The following FYB1 variants were observed in gnomAD, a reference collection of about 807,000 sequenced individuals.
The protein encoded by FYB1 is FYN-binding protein 1.
A neutral mutation model predicts 94.1 loss-of-function variants in FYB1; 41 were observed. The observed-to-expected ratio is 0.44, with a 90% CI of 0.34 to 0.57. FYB1 has a LOEUF of 0.57. FYB1 is among the 20% of genes least tolerant of loss of function. The probability of loss-of-function intolerance (pLI) is 0.02; values close to 1 mark genes in which losing one functional copy is unlikely to be tolerated. For synonymous variants in FYB1, 367 were observed against 353.2 expected, an observed-to-expected ratio of 1.04 and a Z score of -0.44; for missense variants, 1,050 against 976.8, an observed-to-expected ratio of 1.07 and a Z score of -1.00.
upstream of FYB1, among the ~76,000 whole-genome samples, chr5:39,222,080 A>G (rs1750290813): frequency 6.6e-6 from 1 of 152,102 alleles, no homozygotes; most frequent in Non-Finnish European, 1.5e-5. Context: ...AGCAAGCAAC[A>G]CGCCCTGTCT....
At chr5:39,167,950 TTATGACA>T (rs1277602145) in intron 2 of FYB1, among the ~76,000 whole-genome samples, 1 of 92,284 alleles carries the variant, frequency 1.1e-5, no homozygotes, top group African/African-American at 2.6e-5. Flanking sequence ...CACAATAAAG[TTATGACA>T]ATTATATTAT....
intron 13 of FYB1, among the ~76,000 whole-genome samples, chr5:39,123,202 C>G (rs530713066): frequency 1.3e-5 from 2 of 152,272 alleles, no homozygotes; most frequent in South Asian, 4.1e-4. Context: ...TAAATACTCT[C>G]TGGTAGTGGC....
chr5:39,270,905 C>A (rs1394985190), intron 1 of FYB1: 1 of 267,660 alleles, frequency 3.7e-6, no homozygotes, highest in Non-Finnish European at 6.8e-6. Context: ...TTTTATATAA[C>A]TTCTATATTT....
At chr5:39,227,666 G>A (rs1217347696) in intron 1 of FYB1, among the ~76,000 whole-genome samples, 1 of 152,190 alleles carries the variant, frequency 6.6e-6, no homozygotes, top group Admixed American at 6.6e-5. Flanking sequence ...CTGATTCTCT[G>A]ATGCAACAAT....
intron 2 of FYB1, among the ~76,000 whole-genome samples, chr5:39,186,173 A>G (rs74640461): frequency 6.6e-6 from 1 of 152,258 alleles, no homozygotes; most frequent in East Asian, 1.9e-4. Context: ...AAAAGGCAAC[A>G]CACACACTTT....
In FYB1 at chr5:39,106,230, A is replaced by G. The variant is rs567264078; in HGVS notation, c.*1213T>C. The G allele has an allele frequency of 6.6e-6, 1 of 152,312 alleles. No homozygotes were observed. Among genetic ancestry groups the G allele is most frequent in the South Asian group, 2.1e-4 (1 of 4,828 alleles). The allele number at this position is 152,312 out of a possible 1,614,324, so 9.4% of individuals were successfully genotyped here. On this transcript the variant is annotated 3_prime_UTR_variant, in exon 19 of 19. Transcript: ENST00000512982. Reference sequence around the variant, plus strand: ...ACAGATAAGGAAACTGAGAAGATAAATAATTTATTCAATATCACTCGATGG... The same window carrying G: ...ACAGATAAGGAAACTGAGAAGATAAGTAATTTATTCAATATCACTCGATGG...
intron 1 of FYB1, among the ~76,000 whole-genome samples, chr5:39,273,673 T>C (rs754297479): frequency 5.3e-5 from 8 of 152,212 alleles, no homozygotes; most frequent in Non-Finnish European, 1.2e-4. Context: ...GCACTCTCTT[T>C]TCATACATTT....
chr5:39,156,817 A>G lies in FYB1; in HGVS notation c.1136-3213T>C, dbSNP rs185873216. Among the ~76,000 whole-genome samples the G allele has an allele frequency of 2.0e-5, 3 of 152,330 alleles. No individual in the cohort carries two copies. In the East Asian group the frequency reaches 5.8e-4, roughly 29 times the overall value. On this transcript the variant is annotated intron_variant, in intron 2 of 18. Transcript: ENST00000512982. ...TAAAATCTCAATCTGGACTTTATAAAGTGTACTAAAATATAATTAGAAATA... is the reference window on the plus strand; with the variant it reads ...TAAAATCTCAATCTGGACTTTATAAGGTGTACTAAAATATAATTAGAAATA...
At chr5:39,209,808 C>A (rs553918243) in intron 1 of FYB1, among the ~76,000 whole-genome samples, 1 of 152,214 alleles carries the variant, frequency 6.6e-6, no homozygotes, top group East Asian at 1.9e-4. Context: ...AACGTACTGG[C>A]TGATGGACTG....
chr5:39,270,707 T>TATCAATGTG, intron 1 of FYB1: 1 of 678,400 alleles, frequency 1.5e-6, no homozygotes, highest in Non-Finnish European at 2.3e-6. Flanking sequence ...CTTTCACACA[T>TATCAATGTG]TGATATGTGA....
At chr5:39,172,890 A>T (rs189841626) in intron 2 of FYB1, among the ~76,000 whole-genome samples, 2 of 152,126 alleles carry the variant, frequency 1.3e-5, no homozygotes, top group South Asian at 2.1e-4. Context: ...TGCTATTGTG[A>T]ATAGAGCTGC....
At chr5:39,231,331 C>G (rs1235570796) in intron 1 of FYB1, among the ~76,000 whole-genome samples, 1 of 152,018 alleles carries the variant, frequency 6.6e-6, no homozygotes, top group Non-Finnish European at 1.5e-5. Flanking sequence ...TGGCACATGG[C>G]AAGTACGAAA....
At chr5:39,145,691 T>A (rs1015124058) in intron 3 of FYB1, among the ~76,000 whole-genome samples, 2 of 152,184 alleles carry the variant, frequency 1.3e-5, no homozygotes, top group East Asian at 3.9e-4. Flanking sequence ...GCTCTTTTTA[T>A]GGCATACAAG....
chr5:39,201,738 T>C (rs1228342895), intron 2 of FYB1, 88 bp downstream of exon 2: 45 of 1,192,254 alleles, frequency 3.8e-5, no homozygotes, highest in Middle Eastern at 2.0e-4. Flanking sequence ...TAGAGAATCA[T>C]TCCTTGTTAC....
intron 1 of FYB1, among the ~76,000 whole-genome samples, chr5:39,236,922 A>C (rs1450647025): frequency 2.0e-5 from 3 of 152,154 alleles, no homozygotes; most frequent in African/African-American, 7.2e-5. Flanking sequence ...GGTACTTAAG[A>C]CTACAAGACT....
At chr5:39,124,128 C>T in intron 13 of FYB1, 125 bp downstream of exon 13, 1 of 682,680 alleles carries the variant, frequency 1.5e-6, no homozygotes, top group South Asian at 2.0e-5. Context: ...GTTACTTGCT[C>T]AAGGCTACAC....
rs1231713920 is a variant in FYB1, at chr5:39,141,132, G to C, written c.1302C>G (p.Val434=). The change falls in exon 4 of 19, where the codon GTC becomes GTG. Residue 434 remains valine, a synonymous_variant. Transcript: ENST00000512982. ...TGACACCATCTTGATTGTCTTCATT[G>C]ACAGGGCTTCTGAAAACGAGAAAGA... ...IKPPFDLKSP[V]NEDNQDGVTH... is the part of the protein sequence containing the mutation. The C allele has an allele frequency of 6.3e-7, 1 of 1,593,378 alleles. No homozygotes were observed. The highest frequency in any genetic ancestry group is 1.1e-5 in the South Asian group (1 of 87,628).
At chr5:39,244,842 T>A (rs1321561976) in intron 1 of FYB1, among the ~76,000 whole-genome samples, 1 of 152,236 alleles carries the variant, frequency 6.6e-6, no homozygotes, top group Admixed American at 6.5e-5. Flanking sequence ...TATTCAGAGA[T>A]TCAACTTCTT....
chr5:39,239,384 A>G (rs987002949), intron 1 of FYB1, among the ~76,000 whole-genome samples: 11 of 152,202 alleles, frequency 7.2e-5, no homozygotes, highest in African/African-American at 2.4e-4. Context: ...CTCTGTTTGC[A>G]GATGATATGA....
Sources: gnomAD v4.1 joint callset for allele counts (sites outside exome capture counted in the v4.1 genomes callset) on GRCh38, gnomAD v4.1.1 for gene constraint, MANE v1.5 for transcripts, NCBI Gene and HGNC (gene_info 2026-07-23, HGNC 2026-07-21) for gene names.